Variants in ASAP1 observed in about 807,000 individuals in gnomAD.
ASAP1 encodes the protein ArfGAP with SH3 domain, ankyrin repeat and PH domain 1.
In ASAP1, 43 loss-of-function variants were observed where a neutral mutation model predicts 145.2. That is an observed-to-expected ratio of 0.30 (90% confidence interval 0.23 to 0.38). ASAP1 has a LOEUF of 0.38. Ranked by LOEUF, ASAP1 falls within the 10% of genes least tolerant of loss-of-function variation. The pLI is 1.00. For missense variants in ASAP1, 1,018 were observed against 1,355.3 expected (o/e 0.75, Z 3.91); for synonymous variants, 546 against 515.5 (o/e 1.06, Z -0.80).
intron 3 of ASAP1, among the ~76,000 whole-genome samples, chr8:130,304,343 G>T (rs1440050171): frequency 1.3e-5 from 2 of 151,974 alleles, no homozygotes; most frequent in African/African-American, 4.8e-5. Context: ...TATCCAAAGA[G>T]TCATCTTTGA....
At chr8:130,178,738 A>T (rs553503637) in intron 9 of ASAP1, among the ~76,000 whole-genome samples, 1 of 152,282 alleles carries the variant, frequency 6.6e-6, no homozygotes, top group African/African-American at 2.4e-5. Context: ...ACAAAAAAAA[A>T]ATTAACTGGG....
At chr8:130,396,017 C>A (rs1346682725) in intron 2 of ASAP1, among the ~76,000 whole-genome samples, 2 of 152,106 alleles carry the variant, frequency 1.3e-5, no homozygotes, top group Non-Finnish European at 2.9e-5. Flanking sequence ...TCACAGCAGC[C>A]CTAGGAAACT....
intron 2 of ASAP1, among the ~76,000 whole-genome samples, chr8:130,374,646 T>C (rs1278635654): frequency 2.0e-5 from 3 of 152,254 alleles, no homozygotes; most frequent in African/African-American, 7.2e-5. Context: ...CTCAGCGAAC[T>C]GGCATCATCA....
intron 3 of ASAP1, among the ~76,000 whole-genome samples, chr8:130,311,590 T>C (rs576112213): frequency 3.9e-5 from 6 of 152,144 alleles, no homozygotes; most frequent in Non-Finnish European, 7.4e-5. Context: ...GGAGAAACCC[T>C]GTCTCTACTA....
chr8:130,193,369 AAAAAAAAACCCCAAAAAACAAAAGAC>A (rs895635292), intron 5 of ASAP1, among the ~76,000 whole-genome samples: 1 of 150,310 alleles, frequency 6.7e-6, no homozygotes, highest in African/African-American at 2.4e-5. Flanking sequence ...ACTCCATCTA[AAAAAAAAACCCCAAAAAACAAAAGAC>A]AAAAAAAACC....
At chr8:130,151,822 T>A (rs2097646987) in intron 13 of ASAP1, among the ~76,000 whole-genome samples, 2 of 152,208 alleles carry the variant, frequency 1.3e-5, no homozygotes, top group South Asian at 4.1e-4. Flanking sequence ...AGATGATGTG[T>A]TCTGCAGGAA....
At chr8:130,378,532 G>A (rs1307777053) in intron 2 of ASAP1, among the ~76,000 whole-genome samples, 1 of 152,204 alleles carries the variant, frequency 6.6e-6, no homozygotes, top group Non-Finnish European at 1.5e-5. Context: ...TCAGTGCAAT[G>A]AAAACAAATA....
chr8:130,305,073 TGTCG>T (rs1243616278), intron 3 of ASAP1, among the ~76,000 whole-genome samples: 1 of 152,198 alleles, frequency 6.6e-6, no homozygotes, highest in African/African-American at 2.4e-5. Context: ...ACCTTCGTGC[TGTCG>T]GACCCCCACA....
At chr8:130,182,785 C>G (rs751463910) in intron 7 of ASAP1, among the ~76,000 whole-genome samples, 49 of 129,584 alleles carry the variant, frequency 3.8e-4, no homozygotes, top group Non-Finnish European at 7.0e-4. Flanking sequence ...AAATCTTCAG[C>G]TAAAATATTG....
rs188236291 is a variant in ASAP1, at chr8:130,214,309, T to C, written c.405+247A>G. On this transcript the variant is annotated intron_variant, in intron 5 of 29. Transcript: ENST00000518721. ...TCTCTCAGCTTCGATAAATCTACTC[T>C]ATCAGCTGGGCCAAAGGTACAAATT... Among the ~76,000 whole-genome samples the C allele has an allele frequency of 6.4e-3, 970 of 152,314 alleles. 6 individuals carry two copies. The highest frequency in any genetic ancestry group is 9.9e-3 in the Non-Finnish European group (675 of 68,032).
At chr8:130,071,961 G>A (rs2097447530) in intron 27 of ASAP1, among the ~76,000 whole-genome samples, 1 of 152,202 alleles carries the variant, frequency 6.6e-6, no homozygotes, top group South Asian at 2.1e-4. Context: ...ATAGTCATCT[G>A]TTATTATGTT....
At chr8:130,307,641 T>C (rs1823074172) in intron 3 of ASAP1, among the ~76,000 whole-genome samples, 1 of 152,234 alleles carries the variant, frequency 6.6e-6, no homozygotes, top group Non-Finnish European at 1.5e-5. Flanking sequence ...ACAATTTAAA[T>C]GTTTCCCTTC....
intron 3 of ASAP1, among the ~76,000 whole-genome samples, chr8:130,338,517 T>C (rs1825178525): frequency 1.3e-5 from 2 of 152,182 alleles, no homozygotes; most frequent in Admixed American, 1.3e-4. Context: ...TACTCCCCAA[T>C]AGCTTTACTG....
At chr8:130,189,711 A>G (rs1393912001) in intron 5 of ASAP1, among the ~76,000 whole-genome samples, 1 of 152,078 alleles carries the variant, frequency 6.6e-6, no homozygotes, top group Non-Finnish European at 1.5e-5. Context: ...TTCTCTTTTT[A>G]GTTTTCTGAG....
intron 3 of ASAP1, among the ~76,000 whole-genome samples, chr8:130,254,729 A>G (rs1819407419): frequency 6.6e-6 from 1 of 152,168 alleles, no homozygotes; most frequent in Admixed American, 6.6e-5. Flanking sequence ...TAAGGCTTCA[A>G]TTTGTAAAGA....
intron 2 of ASAP1, among the ~76,000 whole-genome samples, chr8:130,382,787 G>T (rs1012615512): frequency 6.6e-6 from 1 of 151,982 alleles, no homozygotes. Context: ...GGAGGTTGCA[G>T]TGAGCTGAGA....
intron 15 of ASAP1, among the ~76,000 whole-genome samples, chr8:130,130,055 T>C (rs2097580760): frequency 6.6e-6 from 1 of 152,244 alleles, no homozygotes; most frequent in South Asian, 2.1e-4. Flanking sequence ...TATTTCGCTT[T>C]CCTCAGGCAT....
chr8:130,165,471 C>T (rs2097678160), intron 11 of ASAP1, among the ~76,000 whole-genome samples: 1 of 152,184 alleles, frequency 6.6e-6, no homozygotes, highest in Non-Finnish European at 1.5e-5. Context: ...CCACATTTCT[C>T]CTAGGATTTA....
chr8:130,406,831 C>T (rs1052078234), intron 1 of ASAP1, among the ~76,000 whole-genome samples: 2 of 152,106 alleles, frequency 1.3e-5, no homozygotes, highest in African/African-American at 4.8e-5. Flanking sequence ...GGAAGCTGTA[C>T]TTAGAAAATT....
Sources: allele counts gnomAD v4.1 joint callset (sites outside exome capture counted in the v4.1 genomes callset), GRCh38; gene constraint gnomAD v4.1.1; transcripts MANE v1.5; gene names NCBI Gene and HGNC (gene_info 2026-07-23, HGNC 2026-07-21).